Variants in ABCA2 observed in about 807,000 individuals in gnomAD.
ABCA2 encodes the protein ATP-binding cassette sub-family A member 2.
ABCA2 carries 84 observed loss-of-function variants against 262.8 expected under a neutral mutation model. The ratio of observed to expected loss-of-function variants is 0.32; its 90% confidence interval spans 0.27 to 0.38. The LOEUF (loss-of-function observed/expected upper bound fraction) is 0.38, where lower values mean the gene tolerates loss of function less well. Among genes scored for constraint, ABCA2 ranks in the 10% least tolerant of loss-of-function variants. The pLI, the probability that ABCA2 is intolerant of heterozygous loss-of-function variation, is 1.00. For synonymous variants in ABCA2, 1,696 were observed against 1,502.9 expected (o/e 1.13, Z -2.97); for missense variants, 2,662 against 3,405.9 (o/e 0.78, Z 5.44).
In ABCA2 at chr9:137,017,565, T is replaced by C; in HGVS notation, c.2339A>G (p.His780Arg). Residue 780 changes from histidine (H) to arginine (R), a missense_variant, in exon 17 of 49, where the codon CAC (histidine) becomes CGC (arginine). His to Arg is a conservative substitution (Grantham distance 29). This residue lies in a region of ABCA2 where 188 missense variants were observed against 343.4 expected (regional missense o/e 0.55). Transcript: ENST00000341511. ...AILKYGQVLMHSHVVIIWLFL... is the reference protein window; with the variant it reads ...AILKYGQVLMRSHVVIIWLFL... ...GAGCCAGATGATGACCACGTGGCTGTGCATAAGCACCTGGCCGTACTTCAG... is the reference window on the plus strand; with the variant it reads ...GAGCCAGATGATGACCACGTGGCTGCGCATAAGCACCTGGCCGTACTTCAG... The C allele has an allele frequency of 6.2e-7, 1 of 1,612,576 alleles. No homozygotes were observed. Among genetic ancestry groups the C allele is most frequent in the Non-Finnish European group, 8.5e-7 (1 of 1,179,822 alleles).
intron 1 of ABCA2, among the ~76,000 whole-genome samples, chr9:137,027,062 G>A (rs1205332385): frequency 6.6e-6 from 1 of 152,250 alleles, no homozygotes. Flanking sequence ...ACGGACTGGT[G>A]CAGCCCAAGG....
At chr9:137,022,888 C>T in intron 4 of ABCA2, 23 bp from the exon 5 acceptor site, 1 of 1,566,198 alleles carries the variant, frequency 6.4e-7, no homozygotes, top group Non-Finnish European at 8.7e-7. Context: ...GGATGTCACT[C>T]ACTGGATGGG....
Position 137,015,491 on chromosome 9 carries a change from A to T in ABCA2, c.3620T>A (p.Leu1207His). The change falls in exon 24 of 49, where the codon CTC (leucine) becomes CAC (histidine). Residue 1207 changes from leucine to histidine, a missense_variant. Leu to His is a moderately conservative substitution (Grantham distance 99). Coordinates refer to ENST00000341511, the MANE Select transcript of ABCA2 (RefSeq NM_001606.5). ...HGKLKCCGSP[L>H]FLKGTYGDGY... Reference sequence around the variant, plus strand: ...GTCGCCATAGGTGCCCTTGAGGAAGAGCGGGGAGCCGCAGCACTTGAGCTT... The same window carrying T: ...GTCGCCATAGGTGCCCTTGAGGAAGTGCGGGGAGCCGCAGCACTTGAGCTT... 6.2e-7 allele frequency: 1 copy of T among 1,610,586 alleles called. No individual in the cohort carries two copies. Among genetic ancestry groups the T allele is most frequent in the South Asian group, 1.1e-5 (1 of 90,734 alleles).
At position 137,008,508 on chromosome 9, in the gene ABCA2, A is replaced by G. The variant is rs568270860; in HGVS notation, c.7183T>C (p.Ser2395Pro). Residue 2395 changes from serine to proline, a missense_variant, in exon 48 of 49, where the codon TCT becomes CCT. Physicochemically the swap from Ser to Pro is moderately conservative, Grantham distance 74 (BLOSUM62 -1). Transcript: ENST00000341511. ...AGTGCCCGGAGCTCCGTGGGGGCAG[A>G]CCGGGGCCGGAGCAGGCTGAGCAAG... is the stretch of plus-strand genomic sequence containing the variant. ...GCLLSLLRPR[S>P]APTELRALVA... 1.9e-6 allele frequency: 3 copies of G among 1,584,818 alleles called. No homozygotes were observed. In the East Asian group the frequency reaches 6.9e-5, roughly 36 times the overall value.
Position 137,015,598 on chromosome 9 carries a change from T to C in ABCA2, c.3515-2A>G. The stretch of plus-strand genomic sequence containing the variant: ...GGGTGGACAGAAGGATGGTGCGGCC[T>C]AGGACAAGGCCAGACCCAGGGTCAG... On this transcript the variant is annotated splice_acceptor_variant, in intron 23 of 48. Coordinates refer to ENST00000341511, the MANE Select transcript of ABCA2 (RefSeq NM_001606.5). LOFTEE classifies it high-confidence loss of function. 1 of 1,612,250 alleles carries C rather than the reference T, an allele frequency of 6.2e-7. No individual in the cohort carries two copies. Among genetic ancestry groups the C allele is most frequent in the Non-Finnish European group, 8.5e-7 (1 of 1,179,678 alleles).
chr9:137,010,838 G>A (rs1222533945), intron 39 of ABCA2, 101 bp from the exon 40 acceptor site: 2 of 1,439,878 alleles, frequency 1.4e-6, no homozygotes, highest in African/African-American at 1.4e-5. Flanking sequence ...AAGAAGGGTG[G>A]GCAGGCCCCT....
chr9:137,012,223 AGCTCCTCCCCG>A (rs749502396), intron 33 of ABCA2, 31 bp downstream of exon 33: 12 of 730,494 alleles, frequency 1.6e-5, no homozygotes, highest in East Asian at 4.5e-5. Flanking sequence ...CCCCGGCCCC[AGCTCCTCCCCG>A]CCCCGCCCCG....
rs1220705290 is a variant in ABCA2 at position 137,012,930 on chromosome 9, G to A, written c.4868-5C>T. 9.3e-6 allele frequency: 14 copies of A among 1,505,142 alleles called. No individual in the cohort carries two copies. The Admixed American group carries it at 3.0e-4, about 32-fold the overall frequency. The allele number at this position is 1,505,142 out of a possible 1,614,324, so 93.2% of individuals were successfully genotyped here. On this transcript the variant is annotated splice_polypyrimidine_tract_variant and splice_region_variant and intron_variant, in intron 30 of 48. Coordinates refer to ENST00000341511, the MANE Select transcript of ABCA2 (RefSeq NM_001606.5). ...AGGGTGCCGACGTCCACATTTCTGT[G>A]GGCACAGCATGGTGCGGTGAGAAGG...
Position 137,016,822 on chromosome 9 carries a change from C to A in ABCA2, c.2759-84G>T, listed in dbSNP as rs560175918. ...GTGGGCCACGTGCCCACCCAGGGAG[C>A]CACCCGTGCTGCATCCAGGAGTGGA... On this transcript the variant is annotated intron_variant, in intron 19 of 48. Transcript: ENST00000341511. 34 of 1,549,588 alleles carry A rather than the reference C, an allele frequency of 2.2e-5. No individual in the cohort carries two copies. The South Asian group carries it at 3.8e-4, about 17-fold the overall frequency.
rs1368889884 is a variant in ABCA2 at position 137,018,609 on chromosome 9, G to T, written c.1819+110C>A. The T allele has an allele frequency of 3.0e-5, 26 of 862,488 alleles. No individual in the cohort carries two copies. In the South Asian group the frequency reaches 3.7e-4, roughly 12 times the overall value. The allele number at this position is 862,488 out of a possible 1,614,324, so 53.4% of individuals were successfully genotyped here. A position where few individuals can be genotyped will look rare whatever the true frequency, so the allele number is the denominator to read the frequency against. On this transcript the variant is annotated intron_variant, in intron 13 of 48. Transcript: ENST00000341511. ...GGAGGGGAAGTGGCGGGTGAGGGGG[G>T]AAGGCCAGGGCGCGGCCAAGGAGTG...
At chr9:137,010,157 C>T (rs368380181) in intron 41 of ABCA2, 33 bp from the exon 42 acceptor site, 78 of 1,591,974 alleles carry the variant, frequency 4.9e-5, no homozygotes, top group African/African-American at 2.5e-4. Context: ...CGCGTGAGGA[C>T]GCGGCGGCCC....
chr9:137,009,302 C>G, intron 45 of ABCA2, 68 bp downstream of exon 45: 3 of 1,408,816 alleles, frequency 2.1e-6, no homozygotes, highest in South Asian at 2.7e-5. Flanking sequence ...ACCCCCACTC[C>G]TGGCCCCGCT....
Position 137,007,707 on chromosome 9 carries a change from G to T in ABCA2, c.*222C>A. The T allele has an allele frequency of 1.6e-6, 1 of 641,536 alleles. No homozygotes were observed. Among genetic ancestry groups the T allele is most frequent in the Non-Finnish European group, 2.7e-6 (1 of 366,172 alleles). The allele number at this position is 641,536 out of a possible 1,614,324, so 39.7% of individuals were successfully genotyped here. ...AAGGCAAAGCAGGGCAAGGGTGTACGCAGCCCGGGCCGGGTCAGCCTTTGG... is the reference window on the plus strand; with the variant it reads ...AAGGCAAAGCAGGGCAAGGGTGTACTCAGCCCGGGCCGGGTCAGCCTTTGG... On this transcript the variant is annotated 3_prime_UTR_variant, in exon 49 of 49. Coordinates refer to ENST00000341511, the MANE Select transcript of ABCA2 (RefSeq NM_001606.5).
rs1240771986 is a variant in ABCA2, at chr9:137,011,592, C to T, written c.5652-38G>A. 1.3e-6 allele frequency: 2 copies of T among 1,558,134 alleles called. No homozygotes were observed. ...GGCGGGCAGTGGTCACCAGGCAGCC[C>T]CGGTCCCACCTGAGGCCGCTCCCCC... is the stretch of plus-strand genomic sequence containing the variant. On this transcript the variant is annotated intron_variant, in intron 36 of 48. Coordinates refer to ENST00000341511, the MANE Select transcript of ABCA2 (RefSeq NM_001606.5). The surrounding 1 kb of genome is among the most constrained non-coding windows in gnomAD (Gnocchi z 8.8).
Position 137,013,324 on chromosome 9 carries a change from G to GGCACC in ABCA2, c.4551-11_4551-7dup. 2 of 1,541,162 alleles carry GGCACC rather than the reference G, an allele frequency of 1.3e-6. No individual in the cohort carries two copies. The highest frequency in any genetic ancestry group is 1.7e-6 in the Non-Finnish European group (2 of 1,150,274). ...CGTCGGGCGATAGCCGCAGCCTGCG[G>GGCACC]GCACCGACAGTGTGAGGTGGGGCTG... On this transcript the variant is annotated splice_region_variant and splice_polypyrimidine_tract_variant and intron_variant, in intron 29 of 48. Transcript: ENST00000341511.
chr9:137,015,946 C>G lies in ABCA2; in HGVS notation c.3317+16G>C, dbSNP rs563175775. 4.7e-4 allele frequency: 229 copies of G among 484,302 alleles called. 3 individuals carry two copies. The highest frequency in any genetic ancestry group is 3.6e-3 in the South Asian group (218 of 59,866). The allele number at this position is 484,302 out of a possible 1,614,324, so 30.0% of individuals were successfully genotyped here. A position where few individuals can be genotyped will look rare whatever the true frequency, so the allele number is the denominator to read the frequency against. ...GCCTCCGCCCACCTGCCCCGCCCCCCGCCCAGCCCACCCACTTGTCCATCT... is the reference window on the plus strand; with the variant it reads ...GCCTCCGCCCACCTGCCCCGCCCCCGGCCCAGCCCACCCACTTGTCCATCT... On this transcript the variant is annotated intron_variant, in intron 22 of 48. Coordinates refer to ENST00000341511, the MANE Select transcript of ABCA2 (RefSeq NM_001606.5).
intron 19 of ABCA2, 63 bp from the exon 20 acceptor site, chr9:137,016,801 G>A: frequency 6.5e-7 from 1 of 1,539,352 alleles, no homozygotes; most frequent in Non-Finnish European, 8.7e-7. Context: ...CACCACGTGG[G>A]CCACGTGCCC....
intron 45 of ABCA2, 21 bp from the exon 46 acceptor site, chr9:137,009,074 C>T (rs535514173): frequency 1.9e-6 from 3 of 1,599,850 alleles, no homozygotes; most frequent in Non-Finnish European, 2.5e-6. Context: ...AGGCCGGTGG[C>T]CCGGAGCCCT....
chr9:137,008,131 A>C, intron 48 of ABCA2, 167 bp from the exon 49 acceptor site: 1 of 911,402 alleles, frequency 1.1e-6, no homozygotes, highest in Non-Finnish European at 1.7e-6. Context: ...CCGTCTGCCG[A>C]GTCTGGGGGC....
Sources: gnomAD v4.1 joint callset for allele counts (sites outside exome capture counted in the v4.1 genomes callset) on GRCh38, gnomAD v4.1.1 for gene constraint, gnomAD v4.1.1 regional missense constraint, Gnocchi (gnomAD v3.1) non-coding constraint, MANE v1.5 for transcripts, NCBI Gene and HGNC (gene_info 2026-07-23, HGNC 2026-07-21) for gene names.